Variants in EYS observed in about 807,000 individuals in gnomAD.
EYS encodes the protein EGF-like photoreceptor maintenance factor.
EYS carries 250 observed loss-of-function variants against 282.1 expected under a neutral mutation model. The observed-to-expected ratio is 0.89, with a 90% CI of 0.80 to 0.98. EYS has a LOEUF of 0.98. Ranked by LOEUF, EYS falls within the 50% of genes least tolerant of loss-of-function variation. The pLI is 0.00. For missense variants in EYS, 4,016 were observed against 3,709.0 expected (o/e 1.08, Z -2.15); for synonymous variants, 1,355 against 1,282.9 (o/e 1.06, Z -1.20).
chr6:65,040,888 G>A (rs1430807143), intron 13 of EYS, among the ~76,000 whole-genome samples: 1 of 151,602 alleles, frequency 6.6e-6, no homozygotes, highest in Non-Finnish European at 1.5e-5. Flanking sequence ...TCAATCTCTG[G>A]CCACAATAAC....
intron 35 of EYS, among the ~76,000 whole-genome samples, chr6:63,902,898 C>T (rs1773691280): frequency 6.6e-6 from 1 of 152,064 alleles, no homozygotes; most frequent in Non-Finnish European, 1.5e-5. Context: ...AAGTTCTCTT[C>T]TGATTATGTA....
chr6:65,462,213 T>A (rs1456891785), intron 5 of EYS, among the ~76,000 whole-genome samples: 1 of 152,096 alleles, frequency 6.6e-6, no homozygotes, highest in Non-Finnish European at 1.5e-5. Flanking sequence ...TCAACTTAAA[T>A]AATTCATGTA....
chr6:63,799,594 C>T (rs945703493), intron 37 of EYS, among the ~76,000 whole-genome samples: 1 of 152,108 alleles, frequency 6.6e-6, no homozygotes, highest in African/African-American at 2.4e-5. Context: ...AGGAATGATG[C>T]AGCTGGGAAT....
At chr6:65,412,862 T>G (rs1038221648) in intron 5 of EYS, among the ~76,000 whole-genome samples, 39 of 152,156 alleles carry the variant, frequency 2.6e-4, no homozygotes, top group African/African-American at 9.2e-4. Flanking sequence ...CTTTTATGAG[T>G]TGTGCTTTTA....
intron 16 of EYS, among the ~76,000 whole-genome samples, chr6:64,912,075 T>C (rs901226590): frequency 3.9e-5 from 6 of 152,154 alleles, no homozygotes; most frequent in African/African-American, 1.4e-4. Flanking sequence ...AGTAATATTT[T>C]GATAGCTCCA....
intron 12 of EYS, among the ~76,000 whole-genome samples, chr6:65,251,601 A>G (rs760975097): frequency 4.6e-5 from 7 of 152,026 alleles, no homozygotes; most frequent in Non-Finnish European, 1.0e-4. Flanking sequence ...TTCTCACTGA[A>G]TATAGCTATA....
At chr6:64,303,611 G>C (rs1349358983) in intron 30 of EYS, among the ~76,000 whole-genome samples, 5 of 152,034 alleles carry the variant, frequency 3.3e-5, no homozygotes, top group Non-Finnish European at 5.9e-5. Flanking sequence ...GGGAGGCCGA[G>C]ACGGGCGGAT....
At chr6:65,017,169 G>A (rs1429388694) in intron 13 of EYS, among the ~76,000 whole-genome samples, 1 of 152,050 alleles carries the variant, frequency 6.6e-6, no homozygotes, top group Non-Finnish European at 1.5e-5. Context: ...GAAAGCAATG[G>A]AAATAACTCC....
intron 7 of EYS, among the ~76,000 whole-genome samples, chr6:65,401,195 GTTT>G (rs1265686460): frequency 6.6e-6 from 1 of 151,642 alleles, no homozygotes; most frequent in Non-Finnish European, 1.5e-5. Flanking sequence ...AAGTCAAGTC[GTTT>G]TTATTTTTAT....
intron 26 of EYS, among the ~76,000 whole-genome samples, chr6:64,457,793 TTC>T (rs771756125): frequency 3.1e-4 from 40 of 128,724 alleles, no homozygotes; most frequent in East Asian, 1.5e-3. Context: ...GTCATTTTTT[TTC>T]CCCCCCATTT....
At chr6:64,471,035 G>C (rs1406928885) in intron 26 of EYS, among the ~76,000 whole-genome samples, 1 of 152,064 alleles carries the variant, frequency 6.6e-6, no homozygotes, top group Non-Finnish European at 1.5e-5. Flanking sequence ...GGACACTATT[G>C]TCATACTGTC....
chr6:64,556,108 C>G (rs957830608), intron 26 of EYS, among the ~76,000 whole-genome samples: 1 of 151,792 alleles, frequency 6.6e-6, no homozygotes, highest in African/African-American at 2.4e-5. Flanking sequence ...ATACACTTAC[C>G]AACAACTGAT....
At chr6:65,038,472 T>C (rs1170898471) in intron 13 of EYS, among the ~76,000 whole-genome samples, 1 of 151,486 alleles carries the variant, frequency 6.6e-6, no homozygotes, top group Non-Finnish European at 1.5e-5. Flanking sequence ...GGTCCTTATT[T>C]ATTTTCATGT....
At position 65,112,970 on chromosome 6, in the gene EYS, C is replaced by G. The variant is rs148649111; in HGVS notation, c.2024-55243G>C. On this transcript the variant is annotated intron_variant, in intron 12 of 42. Coordinates refer to ENST00000503581, the MANE Select transcript of EYS (RefSeq NM_001142800.2). ...TACTGAAGTGTTCAGCATGTTTCTA[C>G]ACCTTCTAAATTGGTGAAAATGAAT... Among the ~76,000 whole-genome samples the G allele has an allele frequency of 2.0e-3, 309 of 152,168 alleles. 1 individual carries two copies. Among genetic ancestry groups the G allele is most frequent in the South Asian group, 3.1e-3 (15 of 4,824 alleles).
At position 65,353,628 on chromosome 6, in the gene EYS, G is replaced by C; in HGVS notation, c.1300-11C>G. On this transcript the variant is annotated splice_polypyrimidine_tract_variant and intron_variant, in intron 8 of 42. Transcript: ENST00000503581. ...TGGAATGCATACATACTGCAAAAAGGAAACAAGGAAAAATGGTAAATTCTT... is the reference window on the plus strand; with the variant it reads ...TGGAATGCATACATACTGCAAAAAGCAAACAAGGAAAAATGGTAAATTCTT... 1 of 1,606,282 alleles carries C rather than the reference G, an allele frequency of 6.2e-7. No individual in the cohort carries two copies. The highest frequency in any genetic ancestry group is 8.5e-7 in the Non-Finnish European group (1 of 1,173,770).
intron 22 of EYS, among the ~76,000 whole-genome samples, chr6:64,686,900 T>TATATATATAC (rs1562134164): frequency 7.2e-6 from 1 of 139,558 alleles, no homozygotes; most frequent in Admixed American, 7.3e-5. Context: ...CATATATATG[T>TATATATATAC]GTATATATAT....
chr6:65,215,418 C>T (rs957939460), intron 12 of EYS, among the ~76,000 whole-genome samples: 4 of 152,016 alleles, frequency 2.6e-5, no homozygotes, highest in African/African-American at 9.7e-5. Flanking sequence ...CCTAAAGATG[C>T]GATTGAACTG....
At chr6:63,752,640 C>A (rs1404498140) in intron 41 of EYS, among the ~76,000 whole-genome samples, 1 of 151,774 alleles carries the variant, frequency 6.6e-6, no homozygotes, top group African/African-American at 2.4e-5. Context: ...CTACAGGCAC[C>A]CACCACCATG....
intron 12 of EYS, among the ~76,000 whole-genome samples, chr6:65,233,686 G>A (rs574252462): frequency 6.6e-6 from 1 of 152,180 alleles, no homozygotes; most frequent in East Asian, 1.9e-4. Context: ...GCCTTGTTGG[G>A]CATGTACAGT....
Sources: gnomAD v4.1 joint callset for allele counts (sites outside exome capture counted in the v4.1 genomes callset) on GRCh38, gnomAD v4.1.1 for gene constraint, MANE v1.5 for transcripts, NCBI Gene and HGNC (gene_info 2026-07-23, HGNC 2026-07-21) for gene names.